CEP85L: variants seen among roughly 807,000 people sequenced by gnomAD.
The protein encoded by CEP85L is centrosomal protein 85L.
CEP85L carries 60 observed loss-of-function variants against 100.3 expected under a neutral mutation model. The observed-to-expected ratio is 0.60, with a 90% CI of 0.49 to 0.74. CEP85L has a LOEUF of 0.74. CEP85L is among the 30% of genes least tolerant of loss of function. The pLI is 0.00. For missense variants in CEP85L, 973 were observed against 936.2 expected (o/e 1.04, Z -0.51); for synonymous variants, 319 against 322.7 (o/e 0.99, Z 0.12).
At chr6:118,525,559 G>A (rs1457447098) in intron 3 of CEP85L, among the ~76,000 whole-genome samples, 3 of 152,182 alleles carry the variant, frequency 2.0e-5, no homozygotes, top group Non-Finnish European at 4.4e-5. Flanking sequence ...ACAATGCCAT[G>A]TGAATATCAA....
At chr6:118,507,416 A>T (rs559656197) in intron 5 of CEP85L, among the ~76,000 whole-genome samples, 11 of 152,330 alleles carry the variant, frequency 7.2e-5, no homozygotes, top group African/African-American at 2.4e-4. Context: ...GCCTCCAATA[A>T]CATCTACCTT....
At chr6:118,623,848 G>C (rs924647511) in intron 2 of CEP85L, among the ~76,000 whole-genome samples, 1 of 152,204 alleles carries the variant, frequency 6.6e-6, no homozygotes, top group Non-Finnish European at 1.5e-5. Flanking sequence ...AAAAGGGATA[G>C]AGCTGTTCCA....
In CEP85L at chr6:118,479,907, T is replaced by C; in HGVS notation, c.1878A>G (p.Gln626=). 1.3e-6 allele frequency: 2 copies of C among 1,499,750 alleles called. No homozygotes were observed. The highest frequency in any genetic ancestry group is 1.8e-6 in the Non-Finnish European group (2 of 1,100,356). 92.9% of individuals were successfully genotyped at this position (1,499,750 alleles called of 1,614,324 possible). A position where few individuals can be genotyped will look rare whatever the true frequency, so the allele number is the denominator to read the frequency against. ...AAATCATTCTGTCAATCTCATCTTGTTGGCTGTCTATTATCTAAAACAAAA... is the reference window on the plus strand; with the variant it reads ...AAATCATTCTGTCAATCTCATCTTGCTGGCTGTCTATTATCTAAAACAAAA... ...NETASKIIDS[Q]QDEIDRMILE... is the part of the protein sequence containing the mutation. Residue 626 remains glutamine, a synonymous_variant, in exon 10 of 13, where the codon CAA becomes CAG. Coordinates refer to ENST00000368491, the MANE Select transcript of CEP85L (RefSeq NM_001042475.3).
intron 2 of CEP85L, among the ~76,000 whole-genome samples, chr6:118,618,567 G>A (rs147961282): frequency 4.2e-4 from 64 of 152,210 alleles, no homozygotes; most frequent in East Asian, 1.5e-3. Flanking sequence ...GTATGGGTAC[G>A]GCCCTTAGAG....
At chr6:118,663,889 G>A (rs1776049742) in intron 1 of CEP85L, among the ~76,000 whole-genome samples, 1 of 146,756 alleles carries the variant, frequency 6.8e-6, no homozygotes, top group African/African-American at 2.5e-5. Context: ...TTTTTTTATT[G>A]TTGTACTATT....
At chr6:118,586,632 C>T (rs1780878349) in intron 2 of CEP85L, among the ~76,000 whole-genome samples, 1 of 152,128 alleles carries the variant, frequency 6.6e-6, no homozygotes, top group Non-Finnish European at 1.5e-5. Context: ...CCCAGAGGAA[C>T]GTCCTGAATA....
chr6:118,489,993 A>G (rs1419217204), intron 6 of CEP85L, among the ~76,000 whole-genome samples: 1 of 152,060 alleles, frequency 6.6e-6, no homozygotes, highest in Non-Finnish European at 1.5e-5. Flanking sequence ...ATACACACAC[A>G]CACGCACACA....
At chr6:118,623,028 A>G (rs140885058) in intron 2 of CEP85L, among the ~76,000 whole-genome samples, 6 of 152,342 alleles carry the variant, frequency 3.9e-5, no homozygotes, top group East Asian at 1.9e-4. Context: ...TAGCGACAGA[A>G]GAGGGAAAGG....
chr6:118,515,504 G>A (rs1185038790), intron 4 of CEP85L, among the ~76,000 whole-genome samples: 2 of 152,132 alleles, frequency 1.3e-5, no homozygotes, highest in African/African-American at 4.8e-5. Context: ...CATGAAACAA[G>A]CACCAACAAA....
rs201806484 is a variant in CEP85L, at chr6:118,469,216, G to A, written c.2110C>T (p.Arg704Trp). Residue 704 changes from arginine to tryptophan, a missense_variant, in exon 12 of 13, where the codon CGG becomes TGG. By Grantham distance (101) the Arg-to-Trp change is moderately radical. Around this residue, in one of 3 missense-constraint regions of CEP85L, gnomAD observed 890 missense variants for 844.5 expected, o/e 1.05. Transcript: ENST00000368491. The part of the protein sequence containing the change: ...QSRQQTVLSK[R>W]PLFDLTVIDQ... ...ATCACAGTCAAATCAAATAGTGGCC[G>A]TTTGGAAAGAACTGTCTGCTGCCTA... The A allele has an allele frequency of 4.2e-5, 68 of 1,613,928 alleles. No individual in the cohort carries two copies. The highest frequency in any genetic ancestry group is 8.9e-5 in the East Asian group (4 of 44,888).
chr6:118,466,131 T>C (rs1356264135), intron 12 of CEP85L, among the ~76,000 whole-genome samples: 1 of 152,136 alleles, frequency 6.6e-6, no homozygotes, highest in African/African-American at 2.4e-5. Context: ...TTAATCAGGC[T>C]GATAGCTGGT....
chr6:118,672,100 G>A (rs1013353793), intron 1 of CEP85L, among the ~76,000 whole-genome samples: 8 of 152,086 alleles, frequency 5.3e-5, no homozygotes, highest in South Asian at 4.1e-4. Context: ...GCAGTGGTGC[G>A]ATCTCAGCTC....
intron 1 of CEP85L, among the ~76,000 whole-genome samples, chr6:118,697,412 A>G (rs867152954): frequency 6.6e-6 from 1 of 152,194 alleles, no homozygotes; most frequent in Non-Finnish European, 1.5e-5. Context: ...GTTACTGTCC[A>G]TCAGCATTTC....
At chr6:118,494,807 G>A (rs1444925220) in intron 5 of CEP85L, among the ~76,000 whole-genome samples, 1 of 152,044 alleles carries the variant, frequency 6.6e-6, no homozygotes, top group Admixed American at 6.6e-5. Flanking sequence ...GGCAAAAAAC[G>A]CAGTTTGAAG....
At chr6:118,612,593 G>A (rs1223517701) in intron 2 of CEP85L, among the ~76,000 whole-genome samples, 7 of 145,828 alleles carry the variant, frequency 4.8e-5, no homozygotes, top group East Asian at 2.1e-4. Flanking sequence ...ACCAGGAGGC[G>A]GAGCTGGCAG....
intron 2 of CEP85L, among the ~76,000 whole-genome samples, chr6:118,622,796 A>G (rs1329297128): frequency 6.6e-6 from 1 of 152,254 alleles, no homozygotes; most frequent in East Asian, 1.9e-4. Flanking sequence ...GCAGTCTTAC[A>G]CTGCCGGGGT....
chr6:118,499,119 T>C (rs983804869), intron 5 of CEP85L, among the ~76,000 whole-genome samples: 10 of 152,160 alleles, frequency 6.6e-5, no homozygotes, highest in African/African-American at 2.4e-4. Context: ...ACTTAGAAAT[T>C]TATAGCATTG....
chr6:118,609,777 A>C (rs1772486156), intron 2 of CEP85L, among the ~76,000 whole-genome samples: 1 of 152,204 alleles, frequency 6.6e-6, no homozygotes, highest in African/African-American at 2.4e-5. Context: ...ATTGAAAAAA[A>C]AACGTAGGTG....
At chr6:118,683,673 C>A (rs1776738897) in intron 1 of CEP85L, among the ~76,000 whole-genome samples, 1 of 152,192 alleles carries the variant, frequency 6.6e-6, no homozygotes, top group South Asian at 2.1e-4. Flanking sequence ...TGATTAACAG[C>A]TGGATGTAAT....
Sources: gnomAD v4.1 joint callset for allele counts (sites outside exome capture counted in the v4.1 genomes callset) on GRCh38, gnomAD v4.1.1 for gene constraint, gnomAD v4.1.1 regional missense constraint, MANE v1.5 for transcripts, NCBI Gene and HGNC (gene_info 2026-07-23, HGNC 2026-07-21) for gene names.